ARL14EP: variants seen among roughly 807,000 people sequenced by gnomAD.
ARL14EP encodes ARL14 effector protein.
In ARL14EP, 12 loss-of-function variants were observed where a neutral mutation model predicts 23.1. The observed-to-expected ratio is 0.52, with a 90% CI of 0.33 to 0.84. The LOEUF is 0.84. Ranked by LOEUF, ARL14EP falls within the 40% of genes least tolerant of loss-of-function variation. The pLI, the probability that ARL14EP is intolerant of heterozygous loss-of-function variation, is 0.02. For missense variants in ARL14EP, 253 were observed against 307.3 expected, an observed-to-expected ratio of 0.82 and a Z score of 1.32; for synonymous variants, 97 against 102.0, an observed-to-expected ratio of 0.95 and a Z score of 0.29.
At chr11:30,334,193 A>G (rs1947311334) in intron 3 of ARL14EP, among the ~76,000 whole-genome samples, 2 of 136,678 alleles carry the variant, frequency 1.5e-5, no homozygotes, top group South Asian at 5.0e-4. Context: ...CAGATTTTCA[A>G]TGTAGACCAG....
intron 3 of ARL14EP, among the ~76,000 whole-genome samples, chr11:30,336,001 T>C (rs779061918): frequency 6.6e-6 from 1 of 152,198 alleles, no homozygotes; most frequent in Admixed American, 6.5e-5. Context: ...CTAAATTGTT[T>C]AGAATATGAC....
intron 1 of ARL14EP, among the ~76,000 whole-genome samples, chr11:30,326,707 C>G (rs1311614533): frequency 6.6e-6 from 1 of 152,130 alleles, no homozygotes; most frequent in Non-Finnish European, 1.5e-5. Flanking sequence ...ATTTGGTGTT[C>G]CTTGAGCTAG....
At chr11:30,325,349 G>T (rs1947228633) in intron 1 of ARL14EP, among the ~76,000 whole-genome samples, 1 of 152,170 alleles carries the variant, frequency 6.6e-6, no homozygotes, top group Admixed American at 6.5e-5. Context: ...AGCAAAAAAT[G>T]AGAATTTGGA....
At chr11:30,332,285 A>G (rs1763889257) in intron 2 of ARL14EP, among the ~76,000 whole-genome samples, 2 of 150,960 alleles carry the variant, frequency 1.3e-5, no homozygotes, top group South Asian at 4.2e-4. Context: ...AGTTCATACT[A>G]GATACTTGCT....
Position 30,323,139 on chromosome 11 carries a change from T to TC in ARL14EP, c.-126dup, listed in dbSNP as rs1947206861. 6.6e-6 allele frequency: 1 copy of TC among 152,664 alleles called. No homozygotes were observed. The highest frequency in any genetic ancestry group is 1.5e-5 in the Non-Finnish European group (1 of 68,408). The allele number at this position is 152,664 out of a possible 1,614,324, so 9.5% of individuals were successfully genotyped here. On this transcript the variant is annotated 5_prime_UTR_variant, in exon 1 of 4. Coordinates refer to ENST00000282032, the MANE Select transcript of ARL14EP (RefSeq NM_152316.3). ...CGGGGACTGGCTGGGAAGCGGTCGG[T>TC]CGAGTGTGGCCTGTGTGGACTCGCA...
chr11:30,337,181 A>T lies in ARL14EP; in HGVS notation c.*386A>T. On this transcript the variant is annotated 3_prime_UTR_variant, in exon 4 of 4. Coordinates refer to ENST00000282032, the MANE Select transcript of ARL14EP (RefSeq NM_152316.3). ...TTAAAATTTTAGTTAGCACATTGTA[A>T]CTGAGTAATTACATGAAGTACAAAC... The T allele has an allele frequency of 4.0e-6, 1 of 253,088 alleles. No homozygotes were observed. Among genetic ancestry groups the T allele is most frequent in the Non-Finnish European group, 7.7e-6 (1 of 129,612 alleles). The allele number at this position is 253,088 out of a possible 1,614,324, so 15.7% of individuals were successfully genotyped here.
chr11:30,337,207 C>CCTG lies in ARL14EP; in HGVS notation c.*412_*413insCTG. ...CTGAGTAATTACATGAAGTACAAACCTCTCTGCTAGCTCTTCAGTCTACAA... is the reference window on the plus strand; with the variant it reads ...CTGAGTAATTACATGAAGTACAAACCCTGTCTCTGCTAGCTCTTCAGTCTACAA... On this transcript the variant is annotated 3_prime_UTR_variant, in exon 4 of 4. Transcript: ENST00000282032. 1 of 225,698 alleles carries CCTG rather than the reference C, an allele frequency of 4.4e-6. No individual in the cohort carries two copies. The highest frequency in any genetic ancestry group is 8.8e-6 in the Non-Finnish European group (1 of 113,030). The allele number at this position is 225,698 out of a possible 1,614,324, so 14.0% of individuals were successfully genotyped here. A position where few individuals can be genotyped will look rare whatever the true frequency, so the allele number is the denominator to read the frequency against.
intron 1 of ARL14EP, chr11:30,329,740 A>G (rs1433476476): frequency 2.0e-5 from 3 of 151,984 alleles, no homozygotes; most frequent in Non-Finnish European, 2.9e-5. Flanking sequence ...TTGCCTGACT[A>G]TATTTGTTTA....
intron 3 of ARL14EP, among the ~76,000 whole-genome samples, chr11:30,335,973 A>G (rs1347862495): frequency 6.6e-6 from 1 of 152,198 alleles, no homozygotes; most frequent in African/African-American, 2.4e-5. Flanking sequence ...TGTATAGTCA[A>G]CATAATGAAT....
intron 3 of ARL14EP, among the ~76,000 whole-genome samples, chr11:30,333,360 T>C (rs766009469): frequency 1.3e-5 from 2 of 152,234 alleles, no homozygotes; most frequent in Non-Finnish European, 2.9e-5. Context: ...TTTTACAAAT[T>C]GAAAATTTGT....
rs1445598348 is a variant in ARL14EP at position 30,331,714 on chromosome 11, G to A, written c.426+340G>A. 4 of 1,113,980 alleles carry A rather than the reference G, an allele frequency of 3.6e-6. No homozygotes were observed. In the East Asian group the frequency reaches 1.9e-4, roughly 54 times the overall value. 69.0% of individuals were successfully genotyped at this position (1,113,980 alleles called of 1,614,324 possible). On this transcript the variant is annotated intron_variant, in intron 2 of 3. Coordinates refer to ENST00000282032, the MANE Select transcript of ARL14EP (RefSeq NM_152316.3). The stretch of plus-strand genomic sequence containing the variant: ...TACCAAAGTAACTACACGGGACATG[G>A]CAACCACCAAGGGTCTTTGCAGCAG...
chr11:30,330,937 C>T lies in ARL14EP; in HGVS notation c.-12C>T, dbSNP rs1267659428. On this transcript the variant is annotated 5_prime_UTR_variant, in exon 2 of 4. Coordinates refer to ENST00000282032, the MANE Select transcript of ARL14EP (RefSeq NM_152316.3). ...CAGACAAAATAAAACGGAAAATTTG[C>T]TAGAATCAAGAATGATGGATCCATG... The T allele has an allele frequency of 1.9e-6, 3 of 1,613,038 alleles. No homozygotes were observed. The highest frequency in any genetic ancestry group is 3.3e-5 in the Admixed American group (2 of 59,988).
Position 30,330,913 on chromosome 11 carries a change from A to T in ARL14EP, c.-36A>T. ...TGATCAGCCCATGACCTAAACCTCC[A>T]GACAAAATAAAACGGAAAATTTGCT... On this transcript the variant is annotated 5_prime_UTR_variant, in exon 2 of 4. Coordinates refer to ENST00000282032, the MANE Select transcript of ARL14EP (RefSeq NM_152316.3). 6.5e-7 allele frequency: 1 copy of T among 1,533,252 alleles called. No individual in the cohort carries two copies. Among genetic ancestry groups the T allele is most frequent in the Non-Finnish European group, 8.7e-7 (1 of 1,147,956 alleles). The allele number at this position is 1,533,252 out of a possible 1,614,324, so 95.0% of individuals were successfully genotyped here.
intron 1 of ARL14EP, among the ~76,000 whole-genome samples, chr11:30,327,848 C>T (rs970733907): frequency 6.7e-6 from 1 of 149,028 alleles, no homozygotes; most frequent in African/African-American, 2.5e-5. Flanking sequence ...TGGTGGCGGG[C>T]ACCTGTAGTC....
chr11:30,335,613 T>C (rs1947324715), intron 3 of ARL14EP, among the ~76,000 whole-genome samples: 1 of 152,214 alleles, frequency 6.6e-6, no homozygotes, highest in Non-Finnish European at 1.5e-5. Flanking sequence ...CTACAACTCA[T>C]TGAAGTTTCA....
intron 3 of ARL14EP, among the ~76,000 whole-genome samples, chr11:30,335,336 CAAAG>C (rs1421802533): frequency 6.6e-6 from 1 of 152,128 alleles, no homozygotes; most frequent in African/African-American, 2.4e-5. Context: ...ACTGAAATGA[CAAAG>C]GACTTAGATT....
intron 1 of ARL14EP, among the ~76,000 whole-genome samples, chr11:30,326,281 T>C (rs10835653): frequency 0.35 from 52,938 of 152,022 alleles, 9,895 homozygotes; most frequent in East Asian, 0.6. Context: ...TCCTGACTCA[T>C]TGGGTCTGGA....
At chr11:30,332,544 T>C (rs1947294100) in intron 2 of ARL14EP, among the ~76,000 whole-genome samples, 1 of 152,092 alleles carries the variant, frequency 6.6e-6, no homozygotes, top group African/African-American at 2.4e-5. Flanking sequence ...TGCCACTGGA[T>C]TATATAGCAG....
intron 1 of ARL14EP, among the ~76,000 whole-genome samples, chr11:30,326,785 G>T (rs991235589): frequency 1.3e-5 from 2 of 152,140 alleles, no homozygotes; most frequent in Non-Finnish European, 2.9e-5. Context: ...CTAACCTATG[G>T]AAGACTTTAA....
Sources: gnomAD v4.1 joint callset for allele counts (sites outside exome capture counted in the v4.1 genomes callset) on GRCh38, gnomAD v4.1.1 for gene constraint, MANE v1.5 for transcripts, NCBI Gene and HGNC (gene_info 2026-07-23, HGNC 2026-07-21) for gene names.